The following RYR2 variants were observed in gnomAD, a reference collection of about 807,000 sequenced individuals.
The protein encoded by RYR2 is ryanodine receptor 2, also known as cardiac muscle ryanodine receptor-calcium release channel.
Under a neutral mutation model 601.1 loss-of-function variants are expected in RYR2, and 227 were observed. The ratio of observed to expected loss-of-function variants is 0.38; its 90% confidence interval spans 0.34 to 0.42. The LOEUF is 0.42. RYR2 is among the 10% of genes least tolerant of loss of function. The probability of loss-of-function intolerance (pLI) is 1.00; values close to 1 mark genes in which losing one functional copy is unlikely to be tolerated. For synonymous variants in RYR2, 2,223 were observed against 2,175.1 expected (o/e 1.02, Z -0.61); for missense variants, 4,646 against 6,156.5 (o/e 0.75, Z 8.21).
intron 6 of RYR2, among the ~76,000 whole-genome samples, chr1:237,371,911 A>T (rs1320211609): frequency 6.6e-6 from 1 of 152,128 alleles, no homozygotes. Flanking sequence ...GTGGGGAGAG[A>T]TGGGAGGGAT....
chr1:237,488,584 C>G lies in RYR2; in HGVS notation c.1709-3222C>G, dbSNP rs527994754. On this transcript the variant is annotated intron_variant, in intron 17 of 104. Coordinates refer to ENST00000366574, the MANE Select transcript of RYR2 (RefSeq NM_001035.3). ...ACCTGCACGTGTACATCCACATGGC[C>G]TGAAGCAACTGAAGATCCACAAAGG... Among the ~76,000 whole-genome samples the G allele has an allele frequency of 1.1e-4, 17 of 152,296 alleles. No individual in the cohort carries two copies. The East Asian group carries it at 3.3e-3, about 29-fold the overall frequency.
chr1:237,474,495 G>C lies in RYR2; in HGVS notation c.1708+5308G>C, dbSNP rs182105606. Among the ~76,000 whole-genome samples the C allele has an allele frequency of 5.5e-4, 83 of 152,098 alleles. 2 individuals are homozygous for C. The highest frequency in any genetic ancestry group is 2.0e-3 in the African/African-American group (82 of 41,536). ...TACAGACAACCAGAAACATATTTAA[G>C]GCTTGTGAAGAAGATTGTGTAGATT... On this transcript the variant is annotated intron_variant, in intron 17 of 104. Coordinates refer to ENST00000366574, the MANE Select transcript of RYR2 (RefSeq NM_001035.3).
At chr1:237,502,558 A>C (rs181337728) in intron 21 of RYR2, among the ~76,000 whole-genome samples, 1 of 152,066 alleles carries the variant, frequency 6.6e-6, no homozygotes, top group Admixed American at 6.5e-5. Flanking sequence ...TTCGATTCTC[A>C]TAGGGAATGA....
chr1:237,659,835 G>T, intron 54 of RYR2, 150 bp from the exon 55 acceptor site: 1 of 454,454 alleles, frequency 2.2e-6, no homozygotes. Flanking sequence ...TATCTTTATA[G>T]TGACTTATGC....
At chr1:237,773,685 A>G in intron 87 of RYR2, 37 bp downstream of exon 87, 1 of 1,578,914 alleles carries the variant, frequency 6.3e-7, no homozygotes, top group Non-Finnish European at 8.7e-7. Flanking sequence ...TGTAGCACTG[A>G]ACTCCATAGA....
At chr1:237,717,543 T>A (rs539103301) in intron 72 of RYR2, among the ~76,000 whole-genome samples, 175 bp downstream of exon 72, 1 of 152,310 alleles carries the variant, frequency 6.6e-6, no homozygotes, top group South Asian at 2.1e-4. Context: ...TTTTTGAGGC[T>A]GTTTTTATTT....
intron 16 of RYR2, among the ~76,000 whole-genome samples, chr1:237,457,144 C>A (rs898638105): frequency 6.6e-6 from 1 of 152,040 alleles, no homozygotes; most frequent in African/African-American, 2.4e-5. Flanking sequence ...AGATGAGGGG[C>A]CTTTATATGG....
rs757658900 is a variant in RYR2, at chr1:237,602,118, A to T, written c.4683+7A>T. 2 of 1,603,804 alleles carry T rather than the reference A, an allele frequency of 1.2e-6. No homozygotes were observed. The highest frequency in any genetic ancestry group is 2.2e-5 in the South Asian group (2 of 89,756). The stretch of plus-strand genomic sequence containing the variant: ...TGAGTTGGGAAGAATAAAGGTAATA[A>T]AACTTATTCCTGGTATTGTATTTGT... On this transcript the variant is annotated splice_region_variant and intron_variant, in intron 35 of 104. Coordinates refer to ENST00000366574, the MANE Select transcript of RYR2 (RefSeq NM_001035.3).
At chr1:237,187,583 G>A (rs1307879441) in intron 1 of RYR2, among the ~76,000 whole-genome samples, 1 of 151,042 alleles carries the variant, frequency 6.6e-6, no homozygotes. Flanking sequence ...AGCTGGGACT[G>A]CAGGCATGCA....
At position 237,165,150 on chromosome 1, in the gene RYR2, G is replaced by A. The variant is rs529374634; in HGVS notation, c.49-105347G>A. Among the ~76,000 whole-genome samples the A allele has an allele frequency of 4.6e-5, 7 of 151,922 alleles. No individual in the cohort carries two copies. The South Asian group carries it at 1.3e-3, about 27-fold the overall frequency. ...TAATTTTTTTTTTTGTAGAGATGGG[G>A]TCTCACTATGTTGCCCAGGCTTGCA... On this transcript the variant is annotated intron_variant, in intron 1 of 104. Coordinates refer to ENST00000366574, the MANE Select transcript of RYR2 (RefSeq NM_001035.3).
chr1:237,514,394 G>C (rs147727495), intron 24 of RYR2, among the ~76,000 whole-genome samples: 413 of 152,264 alleles, frequency 2.7e-3, no homozygotes, highest in African/African-American at 9.5e-3. Context: ...CAGACTGCAC[G>C]TACTGTGGTT....
intron 67 of RYR2, 26 bp downstream of exon 67, chr1:237,705,369 T>C: frequency 6.3e-7 from 1 of 1,582,124 alleles, no homozygotes; most frequent in South Asian, 1.1e-5. Flanking sequence ...GTGCAGTGCT[T>C]TGAGATATGA....
intron 1 of RYR2, among the ~76,000 whole-genome samples, chr1:237,178,552 C>T (rs1406240794): frequency 6.6e-6 from 1 of 151,538 alleles, no homozygotes; most frequent in Non-Finnish European, 1.5e-5. Flanking sequence ...TGGCTAGTTG[C>T]GGTGGCTCAC....
intron 92 of RYR2, among the ~76,000 whole-genome samples, chr1:237,789,889 C>T (rs977869274): frequency 5.9e-5 from 9 of 152,208 alleles, no homozygotes; most frequent in African/African-American, 1.9e-4. Context: ...TGACCCAGAT[C>T]CACCTTCCAA....
In RYR2 at chr1:237,550,700, G is replaced by A. The variant is rs377240715; in HGVS notation, c.3214+9G>A. The A allele has an allele frequency of 2.6e-6, 4 of 1,539,290 alleles. No individual in the cohort carries two copies. The highest frequency in any genetic ancestry group is 3.5e-6 in the Non-Finnish European group (4 of 1,142,656). ...ACCAGATCAAGATCATGGTATTTTG[G>A]TTTTACTTTCCTCTTCTTCGGTTGC... is the stretch of plus-strand genomic sequence containing the variant. On this transcript the variant is annotated intron_variant, in intron 27 of 104. Transcript: ENST00000366574.
intron 16 of RYR2, among the ~76,000 whole-genome samples, chr1:237,459,541 TC>T (rs772039166): frequency 1.3e-5 from 2 of 152,234 alleles, no homozygotes; most frequent in Non-Finnish European, 2.9e-5. Context: ...TTTTATAGTC[TC>T]TGTTCATTGG....
intron 24 of RYR2, among the ~76,000 whole-genome samples, chr1:237,517,459 C>T (rs552168207): frequency 3.3e-5 from 5 of 152,252 alleles, no homozygotes; most frequent in Admixed American, 2.0e-4. Flanking sequence ...GGGCCACACA[C>T]AAAATACACT....
At chr1:237,643,595 A>G (rs1681803922) in intron 48 of RYR2, 148 bp downstream of exon 48, 2 of 750,750 alleles carry the variant, frequency 2.7e-6, no homozygotes, top group African/African-American at 3.8e-5. Context: ...AAAAGCTGTA[A>G]AGTATATATT....
intron 24 of RYR2, among the ~76,000 whole-genome samples, chr1:237,527,758 C>A (rs1170463389): frequency 6.6e-6 from 1 of 151,612 alleles, no homozygotes; most frequent in Non-Finnish European, 1.5e-5. Flanking sequence ...TATTATAATT[C>A]TTCAGTCATC....
Sources: allele counts gnomAD v4.1 joint callset (sites outside exome capture counted in the v4.1 genomes callset), GRCh38; gene constraint gnomAD v4.1.1; transcripts MANE v1.5; gene names NCBI Gene and HGNC (gene_info 2026-07-23, HGNC 2026-07-21).